The following LDLRAD3 variants were observed in gnomAD, a reference collection of about 807,000 sequenced individuals.
The protein encoded by LDLRAD3 is low density lipoprotein receptor class A domain containing 3, also known as low-density lipoprotein receptor class A domain-containing protein 3.
LDLRAD3 carries 20 observed loss-of-function variants against 29.4 expected under a neutral mutation model. That is an observed-to-expected ratio of 0.68 (90% CI 0.48 to 0.99). LDLRAD3 has a LOEUF of 0.99. LDLRAD3 is among the 50% of genes least tolerant of loss of function. The pLI is 0.00. For missense variants in LDLRAD3, 420 were observed against 454.3 expected (o/e 0.92, Z 0.69); for synonymous variants, 157 against 192.7 (o/e 0.81, Z 1.53).
intron 4 of LDLRAD3, among the ~76,000 whole-genome samples, chr11:36,199,130 A>G (rs11033489): frequency 0.37 from 55,620 of 151,984 alleles, 10,346 homozygotes; most frequent in East Asian, 0.51. Flanking sequence ...TTGATCTCCT[A>G]ACCTCGTGAT....
intron 1 of LDLRAD3, among the ~76,000 whole-genome samples, chr11:36,013,766 C>A (rs1590206142): frequency 1.5e-5 from 2 of 134,764 alleles, no homozygotes; most frequent in East Asian, 4.7e-4. Context: ...GTTTGCAAAC[C>A]CCCAGGGGAG....
intron 1 of LDLRAD3, among the ~76,000 whole-genome samples, chr11:36,023,404 G>A (rs909506921): frequency 6.6e-6 from 1 of 152,180 alleles, no homozygotes; most frequent in Non-Finnish European, 1.5e-5. Context: ...GGTCAGAGTT[G>A]TAAAGTGCAG....
intron 4 of LDLRAD3, among the ~76,000 whole-genome samples, chr11:36,182,034 T>C (rs1854772458): frequency 6.6e-6 from 1 of 152,190 alleles, no homozygotes; most frequent in African/African-American, 2.4e-5. Context: ...AAGCATCTTA[T>C]TGTGCCTTCC....
At chr11:36,067,414 A>G (rs1181662264) in intron 2 of LDLRAD3, among the ~76,000 whole-genome samples, 2 of 152,338 alleles carry the variant, frequency 1.3e-5, no homozygotes, top group East Asian at 3.9e-4. Flanking sequence ...ATAAGATGTA[A>G]TGTATAAAAC....
At chr11:36,012,004 C>T (rs1851961599) in intron 1 of LDLRAD3, among the ~76,000 whole-genome samples, 1 of 152,136 alleles carries the variant, frequency 6.6e-6, no homozygotes, top group African/African-American at 2.4e-5. Flanking sequence ...TTGCTATTTT[C>T]TTCGAAAGTG....
intron 4 of LDLRAD3, among the ~76,000 whole-genome samples, chr11:36,182,764 G>GA (rs1328871466): frequency 1.3e-5 from 2 of 152,238 alleles, no homozygotes; most frequent in Non-Finnish European, 2.9e-5. Context: ...GTTCTGCAGA[G>GA]AAGACCATGA....
intron 4 of LDLRAD3, among the ~76,000 whole-genome samples, chr11:36,142,140 G>C (rs1241946771): frequency 6.6e-6 from 1 of 152,104 alleles, no homozygotes. Flanking sequence ...CGGACAGATG[G>C]TGCCCATCCT....
chr11:36,090,219 A>G (rs1010184308), intron 3 of LDLRAD3, among the ~76,000 whole-genome samples: 1 of 152,172 alleles, frequency 6.6e-6, no homozygotes, highest in Non-Finnish European at 1.5e-5. Flanking sequence ...ATAAAAGATT[A>G]TATTTTATAC....
intron 1 of LDLRAD3, among the ~76,000 whole-genome samples, chr11:35,995,488 T>C (rs940854947): frequency 4.6e-5 from 7 of 152,250 alleles, no homozygotes; most frequent in African/African-American, 1.7e-4. Flanking sequence ...TAGCATAATT[T>C]TTAAAGGCTC....
At chr11:36,159,647 C>T (rs573159071) in intron 4 of LDLRAD3, among the ~76,000 whole-genome samples, 36 of 148,110 alleles carry the variant, frequency 2.4e-4, no homozygotes, top group Middle Eastern at 3.7e-3. Flanking sequence ...GTGACATGCT[C>T]CTGTAGTCCC....
At chr11:36,156,875 T>C (rs1404964442) in intron 4 of LDLRAD3, among the ~76,000 whole-genome samples, 1 of 152,230 alleles carries the variant, frequency 6.6e-6, no homozygotes, top group Non-Finnish European at 1.5e-5. Flanking sequence ...CTGAATTCAT[T>C]TGGGAGAACG....
At chr11:36,055,609 C>T (rs1590230372) in intron 2 of LDLRAD3, among the ~76,000 whole-genome samples, 1 of 152,360 alleles carries the variant, frequency 6.6e-6, no homozygotes, top group African/African-American at 2.4e-5. Context: ...TTCCCTGGTT[C>T]AGCCATTGCC....
At chr11:36,176,292 C>T (rs1854674645) in intron 4 of LDLRAD3, among the ~76,000 whole-genome samples, 1 of 152,056 alleles carries the variant, frequency 6.6e-6, no homozygotes, top group African/African-American at 2.4e-5. Context: ...GTACTTAGGC[C>T]ATTTACTTTC....
intron 1 of LDLRAD3, among the ~76,000 whole-genome samples, chr11:36,019,129 T>C (rs1364402809): frequency 1.3e-5 from 2 of 152,338 alleles, no homozygotes; most frequent in East Asian, 1.9e-4. Flanking sequence ...AGTCCGGCTG[T>C]CTGTAAATGC....
At chr11:35,997,535 C>A in intron 1 of LDLRAD3, 1 of 359,416 alleles carries the variant, frequency 2.8e-6, no homozygotes, top group South Asian at 2.7e-5. Flanking sequence ...CACCGGTTGC[C>A]TTGGCAGTGT....
intron 1 of LDLRAD3, among the ~76,000 whole-genome samples, chr11:36,008,999 G>A (rs1488925909): frequency 6.6e-6 from 1 of 151,492 alleles, no homozygotes; most frequent in African/African-American, 2.4e-5. Context: ...ACCTTCCTTT[G>A]TCTCCACATG....
chr11:35,966,029 C>T (rs1851336950), intron 1 of LDLRAD3, among the ~76,000 whole-genome samples: 1 of 152,224 alleles, frequency 6.6e-6, no homozygotes. Flanking sequence ...CCTTTTATCA[C>T]GTAAAATGTT....
chr11:35,982,848 C>CT (rs61605411), intron 1 of LDLRAD3, among the ~76,000 whole-genome samples: 1,297 of 88,686 alleles, frequency 0.015, 21 homozygotes, highest in South Asian at 0.024. Context: ...CTGTTTGCTG[C>CT]TTTTTTTTTT....
chr11:36,168,531 C>A (rs1854550685), intron 4 of LDLRAD3, among the ~76,000 whole-genome samples: 1 of 115,498 alleles, frequency 8.7e-6, no homozygotes, highest in Non-Finnish European at 1.8e-5. Flanking sequence ...CTGCCTCAGG[C>A]ATATTTGTTG....
Sources: allele counts gnomAD v4.1 joint callset (sites outside exome capture counted in the v4.1 genomes callset), GRCh38; gene constraint gnomAD v4.1.1; transcripts MANE v1.5; gene names NCBI Gene and HGNC (gene_info 2026-07-23, HGNC 2026-07-21).